WDR4: variants seen among roughly 807,000 people sequenced by gnomAD.
WDR4 encodes tRNA (guanine-N(7)-)-methyltransferase non-catalytic subunit WDR4.
In WDR4, 47 loss-of-function variants were observed where a neutral mutation model predicts 48.6. The ratio of observed to expected loss-of-function variants is 0.97; its 90% CI spans 0.77 to 1.23. The LOEUF (loss-of-function observed/expected upper bound fraction) is 1.23, where lower values mean the gene tolerates loss of function less well. Ranked by LOEUF, WDR4 falls within the 50% of genes most tolerant of loss-of-function variation. WDR4 has a pLI of 0.00. For synonymous variants in WDR4, 268 were observed against 230.0 expected (o/e 1.17, Z -1.49); for missense variants, 606 against 551.6 (o/e 1.10, Z -0.99).
chr21:42,876,095 G>C (rs1267690341), intron 2 of WDR4, among the ~76,000 whole-genome samples: 3 of 151,172 alleles, frequency 2.0e-5, no homozygotes, highest in Non-Finnish European at 4.4e-5. Flanking sequence ...ATTTTTAGTA[G>C]AGATGGAGTT....
intron 1 of WDR4, chr21:42,879,140 G>A: frequency 8.0e-7 from 1 of 1,251,820 alleles, no homozygotes; most frequent in Middle Eastern, 3.1e-4. Flanking sequence ...CGCTAACCGG[G>A]CAAGAACACC....
At chr21:42,857,816 T>C (rs1041382299) in intron 6 of WDR4, among the ~76,000 whole-genome samples, 1 of 151,928 alleles carries the variant, frequency 6.6e-6, no homozygotes, top group African/African-American at 2.4e-5. Flanking sequence ...CAGAGAATTA[T>C]GGCCCAGCAT....
Position 42,854,632 on chromosome 21 carries a change from A to C in WDR4, c.727-6T>G. ...ATCCTGGACGCGGCAAACTTCTAAA[A>C]GGAGAAGAAGCCCATTAACTTCACG... is the stretch of plus-strand genomic sequence containing the variant. On this transcript the variant is annotated splice_region_variant and splice_polypyrimidine_tract_variant and intron_variant, in intron 7 of 10. Coordinates refer to ENST00000398208, the MANE Select transcript of WDR4 (RefSeq NM_018669.6). The C allele has an allele frequency of 6.2e-7, 1 of 1,613,290 alleles. No homozygotes were observed.
chr21:42,845,698 G>A (rs2057705043), downstream of WDR4, among the ~76,000 whole-genome samples: 1 of 152,230 alleles, frequency 6.6e-6, no homozygotes, highest in African/African-American at 2.4e-5. Flanking sequence ...ACTAGGCGTT[G>A]AGGATGCACT....
chr21:42,859,232 G>C (rs1251041318), intron 6 of WDR4, among the ~76,000 whole-genome samples: 1 of 150,916 alleles, frequency 6.6e-6, no homozygotes, highest in Admixed American at 6.6e-5. Context: ...GAAAAATGTA[G>C]CAACACCCCA....
Position 42,852,307 on chromosome 21 carries a change from G to A in WDR4, c.993C>T (p.Thr331=), listed in dbSNP as rs770120972. ...GAACACCAGAGACTTTCTTTAACAC[G>A]GTGCTCTCAGGAACAGACTGCAGGC... The part of the protein sequence containing the change: ...GDQWQSVPES[T]VLKKVSGVLR... The change falls in exon 10 of 11, where the codon ACC becomes ACT. Residue 331 remains threonine, a synonymous_variant. Transcript: ENST00000398208. 27 of 1,613,978 alleles carry A rather than the reference G, an allele frequency of 1.7e-5. No individual in the cohort carries two copies. The highest frequency in any genetic ancestry group is 4.0e-5 in the African/African-American group (3 of 74,922).
rs1402064043 is a variant in WDR4 at position 42,862,726 on chromosome 21, C to T, written c.454-332G>A. ...CCCATTTCCACCCGCCACAGGCCTG[C>T]TGCACCCTCCTGCCCAACACTGGGT... On this transcript the variant is annotated intron_variant, in intron 4 of 10. Transcript: ENST00000398208. This position sits in a 1 kb window ranked among gnomAD's most constrained non-coding sequence, Gnocchi z 4.3. Among the ~76,000 whole-genome samples the T allele has an allele frequency of 6.8e-6, 1 of 146,774 alleles. No homozygotes were observed. Among genetic ancestry groups the T allele is most frequent in the Non-Finnish European group, 1.5e-5 (1 of 66,876 alleles).
intron 6 of WDR4, among the ~76,000 whole-genome samples, chr21:42,858,233 T>C (rs930847372): frequency 3.3e-5 from 5 of 152,248 alleles, no homozygotes; most frequent in Non-Finnish European, 5.9e-5. Context: ...TCACTGGCTG[T>C]GTGGCCAACT....
chr21:42,850,807 C>A (rs918997970), intron 10 of WDR4, among the ~76,000 whole-genome samples: 1 of 152,202 alleles, frequency 6.6e-6, no homozygotes. Flanking sequence ...TCTGCCGCCA[C>A]AGGGAATGGA....
At chr21:42,852,731 C>A (rs2057867008) in intron 9 of WDR4, among the ~76,000 whole-genome samples, 1 of 152,174 alleles carries the variant, frequency 6.6e-6, no homozygotes. Context: ...GCCTGACCAA[C>A]ATGGAGAAAC....
At chr21:42,890,951 G>A in the WDR4 span, among the ~76,000 whole-genome samples, 91,240 of 151,970 alleles carry the variant, frequency 0.6, 28,163 homozygotes, top group African/African-American at 0.71. Context: ...CAGCCTTCCT[G>A]CTCCCTCTAG....
In WDR4 at chr21:42,862,902, C is replaced by G. The variant is rs1033514084; in HGVS notation, c.454-508G>C. ...CTCCACCACCCGGGCTGTGGGCCTG[C>G]GCCCTCTGGGGCTCCAGGTGTGTGT... is the stretch of plus-strand genomic sequence containing the variant. On this transcript the variant is annotated intron_variant, in intron 4 of 10. Transcript: ENST00000398208. The surrounding 1 kb of genome is among the most constrained non-coding windows in gnomAD (Gnocchi z 4.3). Among the ~76,000 whole-genome samples, 3 of 152,216 alleles carry G rather than the reference C, an allele frequency of 2.0e-5. No homozygotes were observed. Among genetic ancestry groups the G allele is most frequent in the African/African-American group, 7.2e-5 (3 of 41,448 alleles).
intron 7 of WDR4, among the ~76,000 whole-genome samples, chr21:42,855,092 T>G (rs2057951248): frequency 6.6e-6 from 1 of 150,584 alleles, no homozygotes; most frequent in African/African-American, 2.5e-5. Context: ...ATAGCACCAC[T>G]GCACTCCAGC....
chr21:42,857,099 C>A (rs534321657), intron 6 of WDR4, among the ~76,000 whole-genome samples: 1 of 152,230 alleles, frequency 6.6e-6, no homozygotes, highest in African/African-American at 2.4e-5. Context: ...GTGAGGGGAG[C>A]TGTCAAATGT....
At chr21:42,857,790 A>G (rs1429826356) in intron 6 of WDR4, among the ~76,000 whole-genome samples, 1 of 121,080 alleles carries the variant, frequency 8.3e-6, no homozygotes, top group Non-Finnish European at 1.7e-5. Context: ...GAGATTGAAC[A>G]GGAAAGAAAA....
intron 3 of WDR4, among the ~76,000 whole-genome samples, chr21:42,864,907 GC>G (rs1375488329): frequency 6.6e-6 from 1 of 152,200 alleles, no homozygotes; most frequent in Non-Finnish European, 1.5e-5. Flanking sequence ...ACAGCAGCCA[GC>G]CCTGCTTCCC....
At chr21:42,857,030 G>A (rs567296821) in intron 6 of WDR4, among the ~76,000 whole-genome samples, 6 of 152,248 alleles carry the variant, frequency 3.9e-5, no homozygotes, top group African/African-American at 1.2e-4. Flanking sequence ...AGAGAAGCCC[G>A]AGAGGTGCCA....
intron 6 of WDR4, 57 bp from the exon 7 acceptor site, chr21:42,855,837 G>A (rs1313071360): frequency 1.0e-5 from 14 of 1,402,898 alleles, no homozygotes; most frequent in African/African-American, 2.8e-5. Context: ...GTCAGGTAGG[G>A]TGACAGAGAG....
downstream of WDR4, among the ~76,000 whole-genome samples, chr21:42,848,427 C>T (rs1482608560): frequency 2.8e-5 from 4 of 141,590 alleles, no homozygotes; most frequent in African/African-American, 8.1e-5. Flanking sequence ...ACTCACACAG[C>T]GCACAATCAC....
Sources: gnomAD v4.1 joint callset for allele counts (sites outside exome capture counted in the v4.1 genomes callset) on GRCh38, gnomAD v4.1.1 for gene constraint, Gnocchi (gnomAD v3.1) non-coding constraint, MANE v1.5 for transcripts, NCBI Gene and HGNC (gene_info 2026-07-23, HGNC 2026-07-21) for gene names.